VPS13D: variants seen among roughly 807,000 people sequenced by gnomAD.
VPS13D encodes the protein vacuolar protein sorting 13 homolog D, also known as intermembrane lipid transfer protein VPS13D.
Under a neutral mutation model 461.9 loss-of-function variants are expected in VPS13D, and 187 were observed. The observed-to-expected ratio is 0.40, with a 90% CI of 0.36 to 0.46. The LOEUF is 0.46. VPS13D is among the 20% of genes least tolerant of loss of function. The pLI is 0.60. For synonymous variants in VPS13D, 1,951 were observed against 1,986.3 expected, an observed-to-expected ratio of 0.98 and a Z score of 0.47; for missense variants, 4,711 against 5,364.9, an observed-to-expected ratio of 0.88 and a Z score of 3.81.
rs990461738 is a variant in VPS13D at position 12,401,497 on chromosome 1, T to C, written c.11785-111T>C. ...CAGAAATAATTTGGCATTATAGTTA[T>C]AAAGCCACATGATTAATGAAAGCAT... On this transcript the variant is annotated intron_variant, in intron 61 of 69. Coordinates refer to ENST00000620676, the MANE Select transcript of VPS13D (RefSeq NM_015378.4). 7 of 709,844 alleles carry C rather than the reference T, an allele frequency of 9.9e-6. No individual in the cohort carries two copies. In the African/African-American group the frequency reaches 1.1e-4, roughly 11 times the overall value. 44.0% of individuals were successfully genotyped at this position (709,844 alleles called of 1,614,324 possible). A position where few individuals can be genotyped will look rare whatever the true frequency, so the allele number is the denominator to read the frequency against.
chr1:12,272,653 CT>C (rs1641483159), intron 17 of VPS13D, among the ~76,000 whole-genome samples: 1 of 152,042 alleles, frequency 6.6e-6, no homozygotes, highest in African/African-American at 2.4e-5. Flanking sequence ...ACCAATGCCC[CT>C]GAATAAGTAA....
chr1:12,313,837 A>C (rs547791564), intron 29 of VPS13D, among the ~76,000 whole-genome samples: 43 of 152,326 alleles, frequency 2.8e-4, no homozygotes, highest in African/African-American at 1.0e-3. Context: ...TAACGGATTC[A>C]GAATATGTTA....
chr1:12,314,047 C>A, intron 29 of VPS13D, 68 bp from the exon 30 acceptor site: 1 of 1,434,956 alleles, frequency 7.0e-7, no homozygotes, highest in South Asian at 1.2e-5. Flanking sequence ...TTATCTCGAA[C>A]TTATATACTT....
At chr1:12,373,102 T>TG (rs1557740008) in intron 54 of VPS13D, among the ~76,000 whole-genome samples, 2 of 138,032 alleles carry the variant, frequency 1.4e-5, no homozygotes, top group African/African-American at 5.7e-5. Flanking sequence ...TTGGTTTTTT[T>TG]TTTTTTTTTT....
chr1:12,350,551 G>C (rs991516718), intron 46 of VPS13D, among the ~76,000 whole-genome samples: 1 of 152,140 alleles, frequency 6.6e-6, no homozygotes, highest in African/African-American at 2.4e-5. Flanking sequence ...GTTATAGTTT[G>C]TAAATCCTCA....
Position 12,276,425 on chromosome 1 carries a change from G to A in VPS13D, c.2837G>A (p.Arg946His), listed in dbSNP as rs753960297. ...ATTGTGTTGTTGGAGCAGCATACCC[G>A]CGAGGTTCTGGTGGAGTCGCAGCTC... ...QSIVLLEQHT[R>H]EVLVESQLLL... The change falls in exon 19 of 70, where the codon CGC becomes CAC. Residue 946 changes from arginine to histidine, a missense_variant. Arg to His is a conservative substitution (Grantham distance 29). Coordinates refer to ENST00000620676, the MANE Select transcript of VPS13D (RefSeq NM_015378.4). The surrounding 1 kb of genome is among the most constrained non-coding windows in gnomAD (Gnocchi z 4.5). The A allele has an allele frequency of 7.4e-6, 12 of 1,614,052 alleles. No individual in the cohort carries two copies. The highest frequency in any genetic ancestry group is 6.7e-5 in the East Asian group (3 of 44,886).
At chr1:12,333,052 A>G (rs145186932) in intron 37 of VPS13D, among the ~76,000 whole-genome samples, 174 bp from the exon 38 acceptor site, 2 of 152,284 alleles carry the variant, frequency 1.3e-5, no homozygotes, top group East Asian at 3.9e-4. Context: ...GACAACGCAG[A>G]CATCTGTAGG....
In VPS13D at chr1:12,473,209, T is replaced by C. The variant is rs1341021059; in HGVS notation, c.12662+12813T>C. 6.6e-6 allele frequency among the ~76,000 whole-genome samples: 1 copy of C among 152,210 alleles called. No individual in the cohort carries two copies. The highest frequency in any genetic ancestry group is 1.5e-5 in the Non-Finnish European group (1 of 68,040). ...CAAGGGAAGTTGCTGAAAGTTTTCT[T>C]ATCTTGACACTCCAAGGGCAAGAGG... On this transcript the variant is annotated intron_variant, in intron 67 of 69. Transcript: ENST00000620676. This position sits in a 1 kb window ranked among gnomAD's most constrained non-coding sequence, Gnocchi z 4.2.
In VPS13D at chr1:12,446,618, G is replaced by A. The variant is rs1645195648; in HGVS notation, c.12334-9380G>A. Among the ~76,000 whole-genome samples the A allele has an allele frequency of 2.6e-5, 4 of 151,998 alleles. No homozygotes were observed. The South Asian group carries it at 8.3e-4, about 32-fold the overall frequency. On this transcript the variant is annotated intron_variant, in intron 65 of 69. Transcript: ENST00000620676. ...TGTATCTCCATATATGTCCATTACT[G>A]GTACATGAAACAGGCCTTTCCAGAG...
At chr1:12,341,045 C>T (rs538369566) in intron 40 of VPS13D, among the ~76,000 whole-genome samples, 12 of 152,274 alleles carry the variant, frequency 7.9e-5, no homozygotes, top group African/African-American at 2.4e-4. Flanking sequence ...GTCAGGTCAC[C>T]GCTCTTTAGA....
intron 65 of VPS13D, among the ~76,000 whole-genome samples, chr1:12,441,679 C>T (rs1040129522): frequency 2.0e-5 from 3 of 152,194 alleles, no homozygotes; most frequent in African/African-American, 2.4e-5. Flanking sequence ...GCTGTCCCCC[C>T]ACCTTCCTGC....
At chr1:12,442,269 A>G (rs562226290) in intron 65 of VPS13D, among the ~76,000 whole-genome samples, 6 of 152,360 alleles carry the variant, frequency 3.9e-5, no homozygotes, top group Non-Finnish European at 7.3e-5. Context: ...TGTAATCAAT[A>G]TGTAAAAATT....
At chr1:12,491,250 C>T (rs1442305833) in intron 67 of VPS13D, among the ~76,000 whole-genome samples, 2 of 152,236 alleles carry the variant, frequency 1.3e-5, no homozygotes, top group African/African-American at 4.8e-5. Flanking sequence ...AATAAACATT[C>T]TATGATGCTA....
intron 50 of VPS13D, 38 bp downstream of exon 50, chr1:12,358,639 T>G (rs371402928): frequency 6.2e-7 from 1 of 1,609,446 alleles, no homozygotes; most frequent in African/African-American, 1.3e-5. Flanking sequence ...ATCAGAACCA[T>G]TGGCCGATGA....
At chr1:12,386,037 G>C in intron 59 of VPS13D, 148 bp from the exon 60 acceptor site, 3 of 850,802 alleles carry the variant, frequency 3.5e-6, no homozygotes, top group Non-Finnish European at 5.2e-6. Flanking sequence ...GAGCCCTCCA[G>C]GTAAATAATA....
At chr1:12,337,851 C>T in intron 39 of VPS13D, 1 of 171,642 alleles carries the variant, frequency 5.8e-6, no homozygotes, top group Non-Finnish European at 1.3e-5. Context: ...ATGGAGCAAC[C>T]TTCACTAAAA....
chr1:12,231,577 G>T (rs947503165), intron 1 of VPS13D, among the ~76,000 whole-genome samples: 3 of 152,130 alleles, frequency 2.0e-5, no homozygotes, highest in Admixed American at 6.5e-5. Flanking sequence ...GAAATTAGTG[G>T]CAATAACTAC....
chr1:12,457,918 T>C lies in VPS13D; in HGVS notation c.12466+1788T>C, dbSNP rs527400422. 5.2e-4 allele frequency among the ~76,000 whole-genome samples: 79 copies of C among 152,342 alleles called. 1 individual carries two copies. The South Asian group carries it at 0.014, about 28-fold the overall frequency. On this transcript the variant is annotated intron_variant, in intron 66 of 69. Transcript: ENST00000620676. Reference sequence around the variant, plus strand: ...TAATCATTCTTTCTCGTAATGGTAATGACAGTACATTGGACTCTTAGAAGA... The same window carrying C: ...TAATCATTCTTTCTCGTAATGGTAACGACAGTACATTGGACTCTTAGAAGA...
intron 67 of VPS13D, among the ~76,000 whole-genome samples, chr1:12,479,582 C>G (rs568077335): frequency 1.3e-5 from 2 of 152,288 alleles, no homozygotes; most frequent in African/African-American, 4.8e-5. Context: ...ACAGGGGATA[C>G]GTAACTTGTC....
Sources: allele counts gnomAD v4.1 joint callset (sites outside exome capture counted in the v4.1 genomes callset), GRCh38; gene constraint gnomAD v4.1.1; non-coding constraint Gnocchi (gnomAD v3.1); transcripts MANE v1.5; gene names NCBI Gene and HGNC (gene_info 2026-07-23, HGNC 2026-07-21).